Variants in GLRX3 observed in about 807,000 individuals in gnomAD.
The protein encoded by GLRX3 is glutaredoxin-3.
In GLRX3, 22 loss-of-function variants were observed where a neutral mutation model predicts 49.5. The ratio of observed to expected loss-of-function variants is 0.44; its 90% CI spans 0.32 to 0.63. The LOEUF (loss-of-function observed/expected upper bound fraction) is 0.63, where lower values mean the gene tolerates loss of function less well. Ranked by LOEUF, GLRX3 falls within the 30% of genes least tolerant of loss-of-function variation. The probability of loss-of-function intolerance (pLI) is 0.05; values close to 1 mark genes in which losing one functional copy is unlikely to be tolerated. For missense variants in GLRX3, 385 were observed against 396.3 expected (o/e 0.97, Z 0.24); for synonymous variants, 133 against 140.0 (o/e 0.95, Z 0.35).
intron 2 of GLRX3, among the ~76,000 whole-genome samples, chr10:130,149,390 C>T (rs765388520): frequency 5.7e-4 from 86 of 150,910 alleles, no homozygotes; most frequent in Non-Finnish European, 9.4e-4. Context: ...TGCAGTGACC[C>T]GAGATCGCGC....
intron 4 of GLRX3, among the ~76,000 whole-genome samples, chr10:130,164,071 C>G (rs1862634174): frequency 6.6e-6 from 1 of 152,162 alleles, no homozygotes; most frequent in Admixed American, 6.5e-5. Context: ...TTTAGGGTCT[C>G]TCCTGGAGCC....
intron 4 of GLRX3, among the ~76,000 whole-genome samples, chr10:130,164,518 G>A (rs1359013172): frequency 2.0e-5 from 3 of 152,150 alleles, no homozygotes; most frequent in Non-Finnish European, 4.4e-5. Context: ...GTGATGAGAT[G>A]CGGTGTTAGG....
chr10:130,166,975 G>A lies in GLRX3; in HGVS notation c.708G>A (p.Glu236=). ...DTICPKAPKL[E]ERLKVLTNKA... is the part of the protein sequence containing the mutation. The stretch of plus-strand genomic sequence containing the variant: ...TTTGTCCCAAAGCTCCCAAATTAGA[G>A]GAAAGGTAAGTGTTTTAGAAGGTTT... Residue 236 remains glutamate, a synonymous_variant, in exon 6 of 11, where the codon GAG becomes GAA. Coordinates refer to ENST00000331244, the MANE Select transcript of GLRX3 (RefSeq NM_006541.5). 6.4e-7 allele frequency: 1 copy of A among 1,566,488 alleles called. No homozygotes were observed. Among genetic ancestry groups the A allele is most frequent in the Non-Finnish European group, 8.7e-7 (1 of 1,144,404 alleles).
At position 130,171,608 on chromosome 10, in the gene GLRX3, C is replaced by A; in HGVS notation, c.796C>A (p.Gln266Lys). 1.3e-6 allele frequency: 2 copies of A among 1,559,568 alleles called. No homozygotes were observed. The highest frequency in any genetic ancestry group is 1.8e-6 in the Non-Finnish European group (2 of 1,130,458). Residue 266 changes from glutamine (Q) to lysine (K), a missense_variant, in exon 8 of 11, where the codon CAA becomes AAA. Coordinates refer to ENST00000331244, the MANE Select transcript of GLRX3 (RefSeq NM_006541.5). ...GGAAGCAAAATGTGGATTCAGCAAA[C>A]AAATTCTGGAAATACTAAATAGTAC... Reference protein sequence around the residue: ...KQEAKCGFSKQILEILNSTGV... With the variant: ...KQEAKCGFSKKILEILNSTGV...
rs140073546 is a variant in GLRX3 at position 130,160,052 on chromosome 10, A to C, written c.259A>C (p.Thr87Pro). ...AAAATATGAAATTAGCTCTGTTCCC[A>C]CTTTTCTGTTTTTCAAGGTAAGGAT... Reference protein sequence around the residue: ...SEKYEISSVPTFLFFKNSQKI... With the variant: ...SEKYEISSVPPFLFFKNSQKI... Residue 87 changes from threonine (T) to proline (P), a missense_variant, in exon 3 of 11, where the codon ACT becomes CCT. Around this residue, in one of 2 missense-constraint regions of GLRX3, gnomAD observed 374 missense variants for 358.6 expected, o/e 1.04. Coordinates refer to ENST00000331244, the MANE Select transcript of GLRX3 (RefSeq NM_006541.5). The C allele has an allele frequency of 6.3e-7, 1 of 1,598,132 alleles. No homozygotes were observed. Among genetic ancestry groups the C allele is most frequent in the African/African-American group, 1.3e-5 (1 of 74,572 alleles).
intron 2 of GLRX3, among the ~76,000 whole-genome samples, chr10:130,151,616 G>A (rs1181419750): frequency 2.0e-5 from 3 of 151,944 alleles, no homozygotes; most frequent in African/African-American, 7.3e-5. Context: ...GTGAGAACAT[G>A]TGGTGTTTGG....
At chr10:130,144,679 G>A (rs1862238925) in intron 1 of GLRX3, among the ~76,000 whole-genome samples, 1 of 152,172 alleles carries the variant, frequency 6.6e-6, no homozygotes, top group Non-Finnish European at 1.5e-5. Flanking sequence ...TGGTATATAT[G>A]TGCCACATTT....
At chr10:130,153,748 C>T (rs774474387) in intron 2 of GLRX3, among the ~76,000 whole-genome samples, 34 of 152,054 alleles carry the variant, frequency 2.2e-4, no homozygotes, top group Non-Finnish European at 3.7e-4. Context: ...TGAGGCTATA[C>T]GGGGGTCAGG....
chr10:130,169,564 CTT>C (rs1406147567), intron 7 of GLRX3, 74 bp downstream of exon 7: 2 of 960,922 alleles, frequency 2.1e-6, no homozygotes, highest in South Asian at 1.3e-5. Context: ...ACAGTTAAAT[CTT>C]TTTCCTAGCT....
intron 2 of GLRX3, among the ~76,000 whole-genome samples, chr10:130,148,213 G>A (rs895085187): frequency 7.2e-5 from 11 of 151,912 alleles, no homozygotes; most frequent in Non-Finnish European, 1.3e-4. Context: ...GCTCACTGCA[G>A]CCTCTACCTC....
chr10:130,174,345 GGTGGGTTAGACATTAGAA>G (rs1432250822), intron 8 of GLRX3, among the ~76,000 whole-genome samples: 2 of 152,376 alleles, frequency 1.3e-5, no homozygotes, highest in East Asian at 3.9e-4. Context: ...AGCAGCCTGG[GGTGGGTTAGACATTAGAA>G]GTGGGTAAGA....
Position 130,137,917 on chromosome 10 carries a change from A to G in GLRX3, c.92+1405A>G, listed in dbSNP as rs559423602. On this transcript the variant is annotated intron_variant, in intron 1 of 10. Coordinates refer to ENST00000331244, the MANE Select transcript of GLRX3 (RefSeq NM_006541.5). ...GCCCGTCTAATTTTTATTTTTTTTTATAGAGACGAGGTCTCGCCATGTTGC... is the reference window on the plus strand; with the variant it reads ...GCCCGTCTAATTTTTATTTTTTTTTGTAGAGACGAGGTCTCGCCATGTTGC... Among the ~76,000 whole-genome samples, 31 of 151,580 alleles carry G rather than the reference A, an allele frequency of 2.0e-4. No homozygotes were observed. In the East Asian group the frequency reaches 6.0e-3, roughly 29 times the overall value.
chr10:130,178,356 GCA>G (rs1436480476), intron 10 of GLRX3, among the ~76,000 whole-genome samples: 1 of 151,878 alleles, frequency 6.6e-6, no homozygotes, highest in African/African-American at 2.4e-5. Context: ...CTGGGTTCAA[GCA>G]ATTTTCATGC....
chr10:130,173,244 G>T (rs949813305), intron 8 of GLRX3, among the ~76,000 whole-genome samples: 1 of 152,170 alleles, frequency 6.6e-6, no homozygotes, highest in African/African-American at 2.4e-5. Context: ...GAACATCTTG[G>T]TAACTTGGCT....
intron 8 of GLRX3, among the ~76,000 whole-genome samples, chr10:130,173,390 C>G (rs1565000016): frequency 6.6e-6 from 1 of 152,180 alleles, no homozygotes; most frequent in Non-Finnish European, 1.5e-5. Flanking sequence ...ATGAGTGAGG[C>G]CATCCAGGAC....
intron 1 of GLRX3, among the ~76,000 whole-genome samples, chr10:130,136,804 C>T (rs1193560563): frequency 6.6e-6 from 1 of 152,084 alleles, no homozygotes; most frequent in African/African-American, 2.4e-5. Flanking sequence ...GGGACGCGAC[C>T]TTCCCGGCCT....
intron 2 of GLRX3, 113 bp from the exon 3 acceptor site, chr10:130,159,882 T>A: frequency 1.5e-6 from 2 of 1,347,340 alleles, no homozygotes; most frequent in Non-Finnish European, 2.0e-6. Context: ...TGTACCATGC[T>A]CTTTAAAAAA....
chr10:130,172,675 C>T (rs1862834877), intron 8 of GLRX3, among the ~76,000 whole-genome samples: 1 of 152,220 alleles, frequency 6.6e-6, no homozygotes, highest in South Asian at 2.1e-4. Flanking sequence ...GGCACAGTGG[C>T]TCACACCTGT....
At chr10:130,156,988 A>G (rs1338057492) in intron 2 of GLRX3, among the ~76,000 whole-genome samples, 3 of 152,240 alleles carry the variant, frequency 2.0e-5, no homozygotes, top group Non-Finnish European at 4.4e-5. Flanking sequence ...CACAGGTTTT[A>G]TAGTCAAACA....
Sources: allele counts gnomAD v4.1 joint callset (sites outside exome capture counted in the v4.1 genomes callset), GRCh38; gene constraint gnomAD v4.1.1; regional missense constraint gnomAD v4.1.1; transcripts MANE v1.5; gene names NCBI Gene and HGNC (gene_info 2026-07-23, HGNC 2026-07-21).